The following RNGTT variants were observed in gnomAD, a reference collection of about 807,000 sequenced individuals.
RNGTT encodes the protein RNA guanylyltransferase and 5'-phosphatase.
Under a neutral mutation model 79.3 loss-of-function variants are expected in RNGTT, and 33 were observed. That is an observed-to-expected ratio of 0.42 (90% confidence interval 0.32 to 0.56). The LOEUF (loss-of-function observed/expected upper bound fraction) is 0.56. RNGTT is among the 20% of genes least tolerant of loss of function. The pLI is 0.17. For synonymous variants in RNGTT, 222 were observed against 235.9 expected (o/e 0.94, Z 0.54); for missense variants, 497 against 739.1 (o/e 0.67, Z 3.80).
At chr6:88,898,900 GT>G (rs1199991627) in intron 6 of RNGTT, among the ~76,000 whole-genome samples, 6 of 149,580 alleles carry the variant, frequency 4.0e-5, no homozygotes, top group Non-Finnish European at 8.9e-5. Flanking sequence ...ATCTGTGTAT[GT>G]TTTAAAGCTA....
intron 13 of RNGTT, among the ~76,000 whole-genome samples, chr6:88,759,728 G>A (rs558023254): frequency 4.0e-4 from 61 of 152,004 alleles, no homozygotes; most frequent in Non-Finnish European, 6.6e-4. Context: ...GTAGTTTGGC[G>A]TTTCACAACC....
At chr6:88,672,273 A>G (rs987274003) in intron 14 of RNGTT, among the ~76,000 whole-genome samples, 4 of 151,712 alleles carry the variant, frequency 2.6e-5, no homozygotes, top group Middle Eastern at 3.2e-3. Context: ...ACATATATAT[A>G]AATGTATACA....
intron 1 of RNGTT, among the ~76,000 whole-genome samples, chr6:88,945,489 A>T (rs557800324): frequency 1.3e-5 from 2 of 152,126 alleles, no homozygotes; most frequent in African/African-American, 4.8e-5. Context: ...CACCCACCTA[A>T]CACCTCCATC....
Position 88,610,089 on chromosome 6 carries a change from C to T in RNGTT, c.*2630G>A, listed in dbSNP as rs1312895222. Among the ~76,000 whole-genome samples, 3 of 152,142 alleles carry T rather than the reference C, an allele frequency of 2.0e-5. No homozygotes were observed. The highest frequency in any genetic ancestry group is 7.2e-5 in the African/African-American group (3 of 41,426). On this transcript the variant is annotated 3_prime_UTR_variant, in exon 16 of 16. Transcript: ENST00000369485. ...AAAATAAAAGGTTCAAACTACACCC[C>T]CCTGTGTCAATCAAATTTCTCAGTT...
intron 13 of RNGTT, among the ~76,000 whole-genome samples, chr6:88,760,818 C>T (rs546234192): frequency 5.3e-5 from 8 of 152,026 alleles, no homozygotes; most frequent in Middle Eastern, 3.4e-3. Flanking sequence ...TATTTTACCA[C>T]CACAATTTCC....
At chr6:88,833,450 A>T (rs1449305679) in intron 11 of RNGTT, among the ~76,000 whole-genome samples, 1 of 152,188 alleles carries the variant, frequency 6.6e-6, no homozygotes, top group Non-Finnish European at 1.5e-5. Context: ...GAGGGATAGC[A>T]TTAGGAGAAA....
In RNGTT at chr6:88,610,395, A is replaced by G. The variant is rs2127843401; in HGVS notation, c.*2324T>C. 1 of 152,750 alleles carries G rather than the reference A, an allele frequency of 6.5e-6. No homozygotes were observed. Among genetic ancestry groups the G allele is most frequent in the Non-Finnish European group, 1.5e-5 (1 of 68,036 alleles). 9.5% of individuals were successfully genotyped at this position (152,750 alleles called of 1,614,324 possible). A position where few individuals can be genotyped will look rare whatever the true frequency, so the allele number is the denominator to read the frequency against. Reference sequence around the variant, plus strand: ...CCATCCACGCAGTAGAGTCATCCACACCTTTTCCTAACAAAAAGCAAAAGC... The same window carrying G: ...CCATCCACGCAGTAGAGTCATCCACGCCTTTTCCTAACAAAAAGCAAAAGC... On this transcript the variant is annotated 3_prime_UTR_variant, in exon 16 of 16. Transcript: ENST00000369485.
At chr6:88,675,154 CA>C (rs145875527) in intron 14 of RNGTT, among the ~76,000 whole-genome samples, 3 of 149,026 alleles carry the variant, frequency 2.0e-5, no homozygotes, top group African/African-American at 4.9e-5. Context: ...CAGAAAGTTA[CA>C]AAAAAAAACT....
At chr6:88,698,060 TATATATATGAAATAC>T (rs1775761774) in intron 13 of RNGTT, among the ~76,000 whole-genome samples, 2 of 105,396 alleles carry the variant, frequency 1.9e-5, no homozygotes, top group Admixed American at 1.9e-4. Flanking sequence ...ATATATATGA[TATATATATGAAATAC>T]ATATATATGA....
intron 11 of RNGTT, 58 bp from the exon 12 acceptor site, chr6:88,801,690 T>C: frequency 8.7e-7 from 1 of 1,150,608 alleles, no homozygotes; most frequent in Non-Finnish European, 1.3e-6. Context: ...TAAAAGTATT[T>C]AAACTTCTTG....
intron 12 of RNGTT, among the ~76,000 whole-genome samples, chr6:88,794,384 C>A (rs1391284738): frequency 1.3e-5 from 2 of 152,062 alleles, no homozygotes; most frequent in African/African-American, 2.4e-5. Flanking sequence ...AAATAAAATA[C>A]CTATAAATTT....
chr6:88,909,594 G>A (rs773724684), intron 4 of RNGTT, among the ~76,000 whole-genome samples: 14 of 152,128 alleles, frequency 9.2e-5, no homozygotes, highest in Non-Finnish European at 2.1e-4. Context: ...ACAGAGCAAA[G>A]GAAACGTGAG....
In RNGTT at chr6:88,902,690, C is replaced by CTTTT. The variant is rs71024315; in HGVS notation, c.684+2021_684+2024dup. 4.5e-3 allele frequency among the ~76,000 whole-genome samples: 373 copies of CTTTT among 82,692 alleles called. 12 individuals are homozygous for CTTTT. The highest frequency in any genetic ancestry group is 9.5e-3 in the African/African-American group (193 of 20,224). The allele number at this position is 82,692 out of a possible 152,430, so 54.2% of individuals were successfully genotyped here. A position where few individuals can be genotyped will look rare whatever the true frequency, so the allele number is the denominator to read the frequency against. On this transcript the variant is annotated intron_variant, in intron 6 of 15. Transcript: ENST00000369485. Reference sequence around the variant, plus strand: ...CCTTTAAAAAGATGTATAGTGAAATCTTTTTTTTTTTTTTTTTTTTTTTTG... The same window carrying CTTTT: ...CCTTTAAAAAGATGTATAGTGAAATCTTTTTTTTTTTTTTTTTTTTTTTTTTTTG...
intron 11 of RNGTT, among the ~76,000 whole-genome samples, chr6:88,818,452 A>G (rs1187062802): frequency 2.0e-5 from 3 of 151,966 alleles, no homozygotes; most frequent in Non-Finnish European, 4.4e-5. Context: ...GCATAGTGGT[A>G]CATGCCTGTA....
At chr6:88,658,964 G>T (rs942544110) in intron 14 of RNGTT, among the ~76,000 whole-genome samples, 3 of 152,226 alleles carry the variant, frequency 2.0e-5, no homozygotes, top group African/African-American at 7.2e-5. Flanking sequence ...CTGGCTTCCT[G>T]GTTCCTCAGC....
At chr6:88,807,435 A>G (rs7770165) in intron 11 of RNGTT, among the ~76,000 whole-genome samples, 1,554 of 152,316 alleles carry the variant, frequency 0.01, 22 homozygotes, top group African/African-American at 0.035. Flanking sequence ...ATGATAATCA[A>G]TGAGATTATC....
chr6:88,810,697 A>G (rs1327444758), intron 11 of RNGTT, among the ~76,000 whole-genome samples: 1 of 152,172 alleles, frequency 6.6e-6, no homozygotes, highest in Non-Finnish European at 1.5e-5. Context: ...AAAATAACCT[A>G]CTGTTTCTTT....
At chr6:88,627,102 A>T (rs9451037) in intron 14 of RNGTT, among the ~76,000 whole-genome samples, 2 of 152,116 alleles carry the variant, frequency 1.3e-5, no homozygotes, top group African/African-American at 2.4e-5. Flanking sequence ...CTTTATAGTT[A>T]TACATACAAT....
intron 2 of RNGTT, among the ~76,000 whole-genome samples, chr6:88,933,569 C>T (rs1784574555): frequency 1.3e-5 from 2 of 151,928 alleles, no homozygotes; most frequent in Admixed American, 6.6e-5. Context: ...TAACCTCAAA[C>T]TCTTGGGTTT....
Sources: allele counts gnomAD v4.1 joint callset (sites outside exome capture counted in the v4.1 genomes callset), GRCh38; gene constraint gnomAD v4.1.1; transcripts MANE v1.5; gene names NCBI Gene and HGNC (gene_info 2026-07-23, HGNC 2026-07-21).